Variants in PDE4D observed in about 807,000 individuals in gnomAD.
PDE4D encodes 3',5'-cyclic-AMP phosphodiesterase 4D.
A neutral mutation model predicts 87.4 loss-of-function variants in PDE4D; 24 were observed. The ratio of observed to expected loss-of-function variants is 0.27; its 90% CI spans 0.20 to 0.39. PDE4D has a LOEUF of 0.39. PDE4D is among the 10% of genes least tolerant of loss of function. The pLI, the probability that PDE4D is intolerant of heterozygous loss-of-function variation, is 1.00. For missense variants in PDE4D, 714 were observed against 1,041.0 expected (o/e 0.69, Z 4.32); for synonymous variants, 384 against 383.2 (o/e 1.00, Z -0.02).
intron 1 of PDE4D, among the ~76,000 whole-genome samples, chr5:60,207,928 T>C (rs1174426737): frequency 6.6e-6 from 1 of 152,252 alleles, no homozygotes; most frequent in Non-Finnish European, 1.5e-5. Context: ...GGGCAAGTCA[T>C]TATAGCATTT....
chr5:60,167,536 T>C (rs1408579580), intron 2 of PDE4D, among the ~76,000 whole-genome samples: 1 of 152,180 alleles, frequency 6.6e-6, no homozygotes, highest in African/African-American at 2.4e-5. Context: ...AACTGTGTAT[T>C]TTCAAATAAC....
Position 59,893,313 on chromosome 5 carries a change from C to G in PDE4D, c.310G>C (p.Val104Leu). 6.6e-7 allele frequency: 1 copy of G among 1,526,668 alleles called. No homozygotes were observed. Among genetic ancestry groups the G allele is most frequent in the Non-Finnish European group, 8.8e-7 (1 of 1,135,548 alleles). 94.6% of individuals were successfully genotyped at this position (1,526,668 alleles called of 1,614,324 possible). A position where few individuals can be genotyped will look rare whatever the true frequency, so the allele number is the denominator to read the frequency against. ...GTGTCCGAGTAGCCGCGATGCCGGACGCGGCCGGTGGCCCCGCTCGAGGCG... is the reference window on the plus strand; with the variant it reads ...GTGTCCGAGTAGCCGCGATGCCGGAGGCGGCCGGTGGCCCCGCTCGAGGCG... ...RYASSGATGR[V>L]RHRGYSDTER... The change falls in exon 1 of 15, where the codon GTC (valine) becomes CTC (leucine). Residue 104 changes from valine to leucine, a missense_variant. This residue lies in a region of PDE4D where 268 missense variants were observed against 272.9 expected (regional missense o/e 0.98). Transcript: ENST00000340635.
intron 2 of PDE4D, among the ~76,000 whole-genome samples, chr5:60,097,388 T>C (rs905430413): frequency 7.2e-5 from 11 of 151,930 alleles, no homozygotes; most frequent in African/African-American, 2.4e-4. Flanking sequence ...CTTTCTGATC[T>C]CAAATCCCAT....
At chr5:59,214,537 A>G (rs761115391) in intron 2 of PDE4D, among the ~76,000 whole-genome samples, 12 of 152,158 alleles carry the variant, frequency 7.9e-5, no homozygotes, top group Admixed American at 2.6e-4. Context: ...TGTGCTCACC[A>G]TATTTTATTA....
At chr5:60,355,154 ACTGTAAAAATC>A (rs1475943431) in intron 1 of PDE4D, among the ~76,000 whole-genome samples, 2 of 152,238 alleles carry the variant, frequency 1.3e-5, no homozygotes, top group African/African-American at 2.4e-5. Flanking sequence ...CCACTACTGC[ACTGTAAAAATC>A]CTGTAAAAAG....
intron 1 of PDE4D, among the ~76,000 whole-genome samples, chr5:60,209,000 T>C (rs1017468117): frequency 6.6e-6 from 1 of 151,912 alleles, no homozygotes; most frequent in African/African-American, 2.4e-5. Context: ...AGCTGATAAA[T>C]TAAAACCAGA....
At chr5:60,010,991 G>T (rs1403497155) in intron 2 of PDE4D, among the ~76,000 whole-genome samples, 2 of 152,144 alleles carry the variant, frequency 1.3e-5, no homozygotes, top group African/African-American at 2.4e-5. Flanking sequence ...CTTCACAGGA[G>T]AAATTTATCT....
At chr5:59,655,119 G>GT (rs996705025) in intron 1 of PDE4D, among the ~76,000 whole-genome samples, 6 of 150,326 alleles carry the variant, frequency 4.0e-5, no homozygotes, top group East Asian at 3.9e-4. Flanking sequence ...AATATTCTAT[G>GT]TTTTTTTTCA....
In PDE4D at chr5:59,304,295, G is replaced by T. The variant is rs114848015; in HGVS notation, c.456-88327C>A. On this transcript the variant is annotated intron_variant, in intron 1 of 14. Transcript: ENST00000340635. ...ATTTATCAGTTCTAGGAGCTTGCTG[G>T]AGGAGTTCTTAGAGTTTTCAAGGTA... Among the ~76,000 whole-genome samples the T allele has an allele frequency of 2.3e-3, 348 of 152,180 alleles. 1 individual carries two copies. The highest frequency in any genetic ancestry group is 8.1e-3 in the African/African-American group (336 of 41,534).
chr5:59,272,019 C>T (rs909812555), intron 1 of PDE4D, among the ~76,000 whole-genome samples: 2 of 151,508 alleles, frequency 1.3e-5, no homozygotes, highest in African/African-American at 4.8e-5. Context: ...ATACTTATTA[C>T]ATAATAATAC....
intron 5 of PDE4D, among the ~76,000 whole-genome samples, chr5:59,068,086 C>T (rs1051382023): frequency 9.2e-5 from 14 of 152,076 alleles, no homozygotes; most frequent in African/African-American, 3.4e-4. Flanking sequence ...CTTAAAACTG[C>T]CTATTTGAGC....
intron 1 of PDE4D, among the ~76,000 whole-genome samples, chr5:60,441,449 A>G (rs1745202021): frequency 6.6e-6 from 1 of 152,108 alleles, no homozygotes. Flanking sequence ...AAATGGATTG[A>G]AGACCTACAC....
At chr5:59,818,716 A>G (rs73092823) in intron 1 of PDE4D, among the ~76,000 whole-genome samples, 2,340 of 152,284 alleles carry the variant, frequency 0.015, 51 homozygotes, top group African/African-American at 0.054. Context: ...CTTTCTGCCC[A>G]TTGAACTAGA....
chr5:59,091,398 G>T (rs767483020), intron 5 of PDE4D, among the ~76,000 whole-genome samples: 25 of 152,046 alleles, frequency 1.6e-4, no homozygotes, highest in Non-Finnish European at 1.9e-4. Context: ...AAAGAAAGAA[G>T]ATTGGACAGT....
Position 60,262,767 on chromosome 5 carries a change from C to A in PDE4D, c.-89-77080G>T, listed in dbSNP as rs188680031. Among the ~76,000 whole-genome samples, 425 of 152,266 alleles carry A rather than the reference C, an allele frequency of 2.8e-3. 3 individuals carry two copies. The highest frequency in any genetic ancestry group is 9.9e-3 in the African/African-American group (411 of 41,560). On this transcript the variant is annotated intron_variant, in intron 1 of 16. Coordinates refer to the PDE4D transcript ENST00000502484. Reference sequence around the variant, plus strand: ...ACACTACTTTCTAGCTTTGTCAGCACAACCTCAGCGAGGGTTCCTCCCATA... The same window carrying A: ...ACACTACTTTCTAGCTTTGTCAGCAAAACCTCAGCGAGGGTTCCTCCCATA...
In PDE4D at chr5:59,171,632, T is replaced by C. The variant is rs569886897; in HGVS notation, c.808+8963A>G. Among the ~76,000 whole-genome samples the C allele has an allele frequency of 2.8e-4, 42 of 151,788 alleles. No individual in the cohort carries two copies. In the South Asian group the frequency reaches 8.3e-3, roughly 30 times the overall value. On this transcript the variant is annotated intron_variant, in intron 5 of 14. Coordinates refer to ENST00000340635, the MANE Select transcript of PDE4D (RefSeq NM_001104631.2). ...TCCCCTGATATGGACAGGCATTCCATGCTTCCATACCTTATTCTTGCTGGT... is the reference window on the plus strand; with the variant it reads ...TCCCCTGATATGGACAGGCATTCCACGCTTCCATACCTTATTCTTGCTGGT...
At chr5:59,486,650 G>A (rs1176192421) in intron 1 of PDE4D, among the ~76,000 whole-genome samples, 4 of 151,970 alleles carry the variant, frequency 2.6e-5, no homozygotes, top group Admixed American at 6.6e-5. Flanking sequence ...TAAATGACTC[G>A]CCAATGTCAT....
chr5:59,140,915 A>C (rs189311129), intron 5 of PDE4D, among the ~76,000 whole-genome samples: 1 of 152,348 alleles, frequency 6.6e-6, no homozygotes, highest in Non-Finnish European at 1.5e-5. Context: ...AGGAATCATC[A>C]GCGTATTCCT....
rs115730553 is a variant in PDE4D, at chr5:59,481,879, G to A, written c.456-265911C>T. On this transcript the variant is annotated intron_variant, in intron 1 of 14. Coordinates refer to ENST00000340635, the MANE Select transcript of PDE4D (RefSeq NM_001104631.2). ...AAGTTGGGAGACCAATCTGTATGCCGTAAGATATTAGTAAAATATTTAGAG... is the reference window on the plus strand; with the variant it reads ...AAGTTGGGAGACCAATCTGTATGCCATAAGATATTAGTAAAATATTTAGAG... Among the ~76,000 whole-genome samples, 447 of 151,806 alleles carry A rather than the reference G, an allele frequency of 2.9e-3. 1 individual carries two copies. The highest frequency in any genetic ancestry group is 0.013 in the South Asian group (63 of 4,808).
Sources: allele counts gnomAD v4.1 joint callset (sites outside exome capture counted in the v4.1 genomes callset), GRCh38; gene constraint gnomAD v4.1.1; regional missense constraint gnomAD v4.1.1; transcripts MANE v1.5; gene names NCBI Gene and HGNC (gene_info 2026-07-23, HGNC 2026-07-21).